The following HYAL4 variants were observed in gnomAD, a reference collection of about 807,000 sequenced individuals.
HYAL4 encodes hyaluronidase 4.
In HYAL4, 37 loss-of-function variants were observed where a neutral mutation model predicts 35.2. The ratio of observed to expected loss-of-function variants is 1.05; its 90% CI spans 0.81 to 1.38. The LOEUF is 1.38. Among genes scored for constraint, HYAL4 ranks in the 40% most tolerant of loss-of-function variants. The pLI is 0.00. For missense variants in HYAL4, 572 were observed against 572.4 expected (o/e 1.00, Z 0.01); for synonymous variants, 198 against 203.2 (o/e 0.97, Z 0.22).
the HYAL4 span, among the ~76,000 whole-genome samples, chr7:123,795,870 G>A: frequency 2.0e-5 from 3 of 152,148 alleles, no homozygotes; most frequent in Non-Finnish European, 2.9e-5. Context: ...ACTGCATCAT[G>A]GTTGGATCCA....
chr7:123,771,832 T>C, the HYAL4 span, among the ~76,000 whole-genome samples: 1 of 148,296 alleles, frequency 6.7e-6, no homozygotes, highest in Admixed American at 6.7e-5. Flanking sequence ...AACTTACCCA[T>C]CCATGTAGAG....
chr7:123,781,339 T>G, the HYAL4 span, among the ~76,000 whole-genome samples: 1 of 130,796 alleles, frequency 7.6e-6, no homozygotes. Context: ...GCAAAGACCT[T>G]TGTTCACGTG....
intron 2 of HYAL4, among the ~76,000 whole-genome samples, chr7:123,854,650 C>T (rs1355336074): frequency 6.6e-6 from 1 of 152,066 alleles, no homozygotes; most frequent in African/African-American, 2.4e-5. Flanking sequence ...ATTATGTGGT[C>T]AATTTAAGAA....
At chr7:123,792,537 A>G in the HYAL4 span, among the ~76,000 whole-genome samples, 1 of 152,178 alleles carries the variant, frequency 6.6e-6, no homozygotes, top group African/African-American at 2.4e-5. Context: ...ATAATAGTCC[A>G]AATCTCAAGG....
intron 2 of HYAL4, among the ~76,000 whole-genome samples, chr7:123,852,630 G>A (rs1164530662): frequency 6.6e-6 from 1 of 152,092 alleles, no homozygotes; most frequent in African/African-American, 2.4e-5. Context: ...TGCTGTTTTG[G>A]TTACTGTAGC....
Position 123,874,848 on chromosome 7 carries a change from A to C in HYAL4, c.1042A>C (p.Lys348Gln). ...GGGAGACATGAATTTAACTGCATCC[A>C]AGGTAAGTCAGTATCTTGAAGGTAT... The part of the protein sequence containing the change: ...IWGDMNLTAS[K>Q]ANCTKVKQFV... Residue 348 changes from lysine to glutamine, a missense_variant and splice_region_variant, in exon 4 of 5, where the codon AAG becomes CAG. Coordinates refer to ENST00000223026, the MANE Select transcript of HYAL4 (RefSeq NM_012269.3). 6.5e-7 allele frequency: 1 copy of C among 1,532,188 alleles called. No individual in the cohort carries two copies. The highest frequency in any genetic ancestry group is 9.0e-7 in the Non-Finnish European group (1 of 1,105,048). 94.9% of individuals were successfully genotyped at this position (1,532,188 alleles called of 1,614,324 possible). A position where few individuals can be genotyped will look rare whatever the true frequency, so the allele number is the denominator to read the frequency against.
intron 2 of HYAL4, among the ~76,000 whole-genome samples, chr7:123,853,174 G>A (rs1159826653): frequency 6.6e-6 from 1 of 152,136 alleles, no homozygotes; most frequent in Non-Finnish European, 1.5e-5. Context: ...CATGTCACCT[G>A]CAAACAGAGA....
At chr7:123,766,074 A>T in the HYAL4 span, among the ~76,000 whole-genome samples, 1 of 152,090 alleles carries the variant, frequency 6.6e-6, no homozygotes, top group Non-Finnish European at 1.5e-5. Flanking sequence ...TTCAAAAACT[A>T]TTCTTGATTT....
chr7:123,774,811 T>C, the HYAL4 span, among the ~76,000 whole-genome samples: 3 of 152,224 alleles, frequency 2.0e-5, no homozygotes, highest in African/African-American at 4.8e-5. Context: ...TATGTCGATA[T>C]ACTTTATCTC....
chr7:123,775,211 T>C, the HYAL4 span, among the ~76,000 whole-genome samples: 3 of 152,196 alleles, frequency 2.0e-5, no homozygotes, highest in South Asian at 4.1e-4. Flanking sequence ...AGCAGGAGGA[T>C]TGCTTGAGGC....
chr7:123,868,676 G>A lies in HYAL4; in HGVS notation c.403G>A (p.Ala135Thr), dbSNP rs765051015. ...CCAAGATATTAATTATTACATCCCT[G>A]CTGAAGATTTCAGTGGACTTGCTGT... Reference protein sequence around the residue: ...ADQDINYYIPAEDFSGLAVID... With the variant: ...ADQDINYYIPTEDFSGLAVID... Residue 135 changes from alanine (A) to threonine (T), a missense_variant, in exon 3 of 5, where the codon GCT becomes ACT. Ala to Thr is a moderately conservative substitution (Grantham distance 58, BLOSUM62 0). Coordinates refer to ENST00000223026, the MANE Select transcript of HYAL4 (RefSeq NM_012269.3). 6.2e-7 allele frequency: 1 copy of A among 1,613,760 alleles called. No individual in the cohort carries two copies. The highest frequency in any genetic ancestry group is 8.5e-7 in the Non-Finnish European group (1 of 1,179,956).
At chr7:123,787,995 C>T in the HYAL4 span, among the ~76,000 whole-genome samples, 1 of 152,072 alleles carries the variant, frequency 6.6e-6, no homozygotes, top group South Asian at 2.1e-4. Flanking sequence ...CTTCGGCACT[C>T]AACATAGTAC....
chr7:123,808,651 A>G, the HYAL4 span, among the ~76,000 whole-genome samples: 1 of 152,200 alleles, frequency 6.6e-6, no homozygotes, highest in Admixed American at 6.5e-5. Flanking sequence ...TTCCCACTAC[A>G]GAATGTCTAA....
chr7:123,796,720 G>A, the HYAL4 span, among the ~76,000 whole-genome samples: 1 of 152,152 alleles, frequency 6.6e-6, no homozygotes, highest in Non-Finnish European at 1.5e-5. Flanking sequence ...TCAACAGAAT[G>A]TAGTATATAT....
chr7:123,799,277 G>C, the HYAL4 span, among the ~76,000 whole-genome samples: 1 of 151,268 alleles, frequency 6.6e-6, no homozygotes, highest in Non-Finnish European at 1.5e-5. Context: ...TAATTTTCTG[G>C]TTAAAATACA....
chr7:123,787,899 A>G, the HYAL4 span, among the ~76,000 whole-genome samples: 1 of 152,172 alleles, frequency 6.6e-6, no homozygotes, highest in Non-Finnish European at 1.5e-5. Context: ...AACAAACACA[A>G]CTTACCAGTT....
chr7:123,779,229 T>G, the HYAL4 span, among the ~76,000 whole-genome samples: 3 of 152,058 alleles, frequency 2.0e-5, no homozygotes, highest in Non-Finnish European at 4.4e-5. Flanking sequence ...AAACCAAAGC[T>G]CTCTAAAGTC....
At chr7:123,807,668 T>G in the HYAL4 span, among the ~76,000 whole-genome samples, 3 of 151,692 alleles carry the variant, frequency 2.0e-5, no homozygotes, top group Non-Finnish European at 4.4e-5. Context: ...CTCGAACTCC[T>G]GAACTTAGGT....
chr7:123,874,526 C>T (rs1305416611), intron 3 of HYAL4, among the ~76,000 whole-genome samples: 1 of 152,092 alleles, frequency 6.6e-6, no homozygotes, highest in Non-Finnish European at 1.5e-5. Context: ...GTCTCAGCCT[C>T]CGAGTAGCTG....
Sources: allele counts gnomAD v4.1 joint callset (sites outside exome capture counted in the v4.1 genomes callset), GRCh38; gene constraint gnomAD v4.1.1; transcripts MANE v1.5; gene names NCBI Gene and HGNC (gene_info 2026-07-23, HGNC 2026-07-21).